XRCC1: variants seen among roughly 807,000 people sequenced by gnomAD.
The protein encoded by XRCC1 is X-ray repair cross complementing 1, also known as DNA repair protein XRCC1.
Under a neutral mutation model 83.3 loss-of-function variants are expected in XRCC1, and 52 were observed. That is an observed-to-expected ratio of 0.62 (90% CI 0.50 to 0.79). The LOEUF is 0.79. Ranked by LOEUF, XRCC1 falls within the 30% of genes least tolerant of loss-of-function variation. XRCC1 has a pLI of 0.00. For synonymous variants in XRCC1, 281 were observed against 312.6 expected, an observed-to-expected ratio of 0.90 and a Z score of 1.07; for missense variants, 793 against 823.5, an observed-to-expected ratio of 0.96 and a Z score of 0.45.
rs25494 is a variant in XRCC1, at chr19:43,554,930, G to C, written c.256-126C>G. 305 of 1,073,120 alleles carry C rather than the reference G, an allele frequency of 2.8e-4. 3 individuals are homozygous for C. In the East Asian group the frequency reaches 6.7e-3, roughly 24 times the overall value. The allele number at this position is 1,073,120 out of a possible 1,614,324, so 66.5% of individuals were successfully genotyped here. A position where few individuals can be genotyped will look rare whatever the true frequency, so the allele number is the denominator to read the frequency against. Reference sequence around the variant, plus strand: ...TGGGAGTCACTAGAATGTAGCTTGGGCCTAGATGTCTCCAGACCCTTTGTT... The same window carrying C: ...TGGGAGTCACTAGAATGTAGCTTGGCCCTAGATGTCTCCAGACCCTTTGTT... On this transcript the variant is annotated intron_variant, in intron 3 of 16. Transcript: ENST00000262887.
At chr19:43,568,524 AT>A (rs1568518600) in intron 2 of XRCC1, among the ~76,000 whole-genome samples, 1 of 151,482 alleles carries the variant, frequency 6.6e-6, no homozygotes, top group African/African-American at 2.4e-5. Flanking sequence ...AAGTAAGTAA[AT>A]AAATAAATAA....
intron 10 of XRCC1, among the ~76,000 whole-genome samples, chr19:43,547,194 TC>T (rs1420299695): frequency 2.6e-5 from 2 of 76,894 alleles, no homozygotes; most frequent in African/African-American, 1.3e-4. Context: ...TTCCCCTCCC[TC>T]TTTTTTTTTT....
chr19:43,571,894 CAAAT>C (rs1972809392), intron 2 of XRCC1, among the ~76,000 whole-genome samples: 1 of 152,180 alleles, frequency 6.6e-6, no homozygotes, highest in African/African-American at 2.4e-5. Flanking sequence ...AGTGAATGAA[CAAAT>C]AAATCCATCA....
At chr19:43,573,932 TCA>T (rs1047367402) in intron 2 of XRCC1, among the ~76,000 whole-genome samples, 1 of 152,164 alleles carries the variant, frequency 6.6e-6, no homozygotes, top group Non-Finnish European at 1.5e-5. Flanking sequence ...TCTTTGGGCC[TCA>T]GTTTCCTCAT....
rs201337051 is a variant in XRCC1 at position 43,551,581 on chromosome 19, G to T, written c.1189C>A (p.Pro397Thr). Residue 397 changes from proline (P) to threonine (T), a missense_variant, in exon 10 of 17, where the codon CCC (proline) becomes ACC (threonine). Coordinates refer to ENST00000262887, the MANE Select transcript of XRCC1 (RefSeq NM_006297.3). ...LDCHRMRRRL[P>T]SQRYLMAGPG... ...CGTGTGAGGCCTTACCTCTGGGAGGGCAGCCGCCGACGCATGCGGTGACAG... is the reference window on the plus strand; with the variant it reads ...CGTGTGAGGCCTTACCTCTGGGAGGTCAGCCGCCGACGCATGCGGTGACAG... 3.1e-6 allele frequency: 5 copies of T among 1,613,968 alleles called. No homozygotes were observed. The East Asian group carries it at 1.1e-4, about 36-fold the overall frequency.
rs1217657378 is a variant in XRCC1, at chr19:43,552,064, A to G, written c.1035T>C (p.Leu345=). Residue 345 remains leucine (L), a synonymous_variant, in exon 9 of 17, where the codon CTT becomes CTC. Coordinates refer to ENST00000262887, the MANE Select transcript of XRCC1 (RefSeq NM_006297.3). ...TCCAGTCTGGCCGATACTTGGCCCC[A>G]AGCTCTAGGGCCTTATCTCGCAGCT... ...RSELRDKALE[L]GAKYRPDWTR... is the part of the protein sequence containing the mutation. 1 of 1,614,052 alleles carries G rather than the reference A, an allele frequency of 6.2e-7. No homozygotes were observed. Among genetic ancestry groups the G allele is most frequent in the Non-Finnish European group, 8.5e-7 (1 of 1,179,972 alleles).
Position 43,543,360 on chromosome 19 carries a change from G to T in XRCC1, c.*32C>A, listed in dbSNP as rs757796663. 28 of 1,372,222 alleles carry T rather than the reference G, an allele frequency of 2.0e-5. No individual in the cohort carries two copies. The South Asian group carries it at 3.2e-4, about 16-fold the overall frequency. 85.0% of individuals were successfully genotyped at this position (1,372,222 alleles called of 1,614,324 possible). ...ATGCATCGTGTGTGTGTGTGTGTGT[G>T]TGTGTGTGTGTGTGTGTGTATAGCA... On this transcript the variant is annotated 3_prime_UTR_variant, in exon 17 of 17. Transcript: ENST00000262887.
chr19:43,572,637 CAA>C, intron 2 of XRCC1, among the ~76,000 whole-genome samples: 1 of 152,220 alleles, frequency 6.6e-6, no homozygotes, highest in African/African-American at 2.4e-5. Flanking sequence ...GTCAGGAGTT[CAA>C]GACCAGCCTA....
rs1372079741 is a variant in XRCC1, at chr19:43,575,478, C to A, written c.-20G>T. On this transcript the variant is annotated 5_prime_UTR_variant, in exon 1 of 17. Transcript: ENST00000262887. ...CGGCATGTCAACGTCGTGGGCTTCG[C>A]CTGGCCAGAAGGATGAGGTAGAGTA... The A allele has an allele frequency of 6.2e-7, 1 of 1,611,552 alleles. No individual in the cohort carries two copies. Among genetic ancestry groups the A allele is most frequent in the East Asian group, 2.2e-5 (1 of 44,820 alleles).
chr19:43,566,530 T>TAAA (rs1321231666), intron 2 of XRCC1, among the ~76,000 whole-genome samples: 1 of 94,868 alleles, frequency 1.1e-5, no homozygotes. Flanking sequence ...AGACTCTGTC[T>TAAA]CAAAAAAAAA....
At chr19:43,561,862 A>G (rs1010313027) in intron 2 of XRCC1, among the ~76,000 whole-genome samples, 2 of 151,834 alleles carry the variant, frequency 1.3e-5, no homozygotes, top group African/African-American at 2.4e-5. Context: ...CATTATTACA[A>G]CTCTCAAAGG....
At chr19:43,571,636 T>C (rs947876898) in intron 2 of XRCC1, among the ~76,000 whole-genome samples, 2 of 152,234 alleles carry the variant, frequency 1.3e-5, no homozygotes, top group African/African-American at 2.4e-5. Flanking sequence ...CTGGAGTAGC[T>C]GGGACCACAG....
intron 2 of XRCC1, among the ~76,000 whole-genome samples, chr19:43,564,164 C>T (rs934256199): frequency 6.6e-6 from 1 of 152,154 alleles, no homozygotes; most frequent in African/African-American, 2.4e-5. Flanking sequence ...TGCCTGGCAC[C>T]GAGCAAACAC....
chr19:43,549,891 C>T (rs553215100), intron 10 of XRCC1, among the ~76,000 whole-genome samples: 1 of 152,136 alleles, frequency 6.6e-6, no homozygotes, highest in Admixed American at 6.5e-5. Context: ...TTGTCTTTTT[C>T]CCTTTCTTTC....
chr19:43,564,012 C>T (rs966591850), intron 2 of XRCC1, among the ~76,000 whole-genome samples: 17 of 152,174 alleles, frequency 1.1e-4, no homozygotes, highest in African/African-American at 4.1e-4. Context: ...GATCCTGGAG[C>T]AAATGGTTTC....
intron 12 of XRCC1, 100 bp from the exon 13 acceptor site, chr19:43,546,206 C>T: frequency 1.5e-6 from 2 of 1,331,374 alleles, no homozygotes; most frequent in East Asian, 4.7e-5. Context: ...ATGCCCCCAG[C>T]CTCAACTGCC....
chr19:43,546,029 C>T, intron 13 of XRCC1, 23 bp downstream of exon 13: 1 of 1,613,876 alleles, frequency 6.2e-7, no homozygotes. Context: ...CAGGGACACC[C>T]CAACCCCCAG....
intron 2 of XRCC1, among the ~76,000 whole-genome samples, chr19:43,569,977 CAGAA>C (rs1303493588): frequency 6.6e-6 from 1 of 152,178 alleles, no homozygotes; most frequent in Non-Finnish European, 1.5e-5. Context: ...GGGGTACTGA[CAGAA>C]AGAACCTGAG....
intron 3 of XRCC1, among the ~76,000 whole-genome samples, chr19:43,555,875 A>C (rs1972631033): frequency 6.6e-6 from 1 of 152,064 alleles, no homozygotes; most frequent in Non-Finnish European, 1.5e-5. Flanking sequence ...ATAGCAAATA[A>C]CTTGATTTTA....
Sources: gnomAD v4.1 joint callset for allele counts (sites outside exome capture counted in the v4.1 genomes callset) on GRCh38, gnomAD v4.1.1 for gene constraint, MANE v1.5 for transcripts, NCBI Gene and HGNC (gene_info 2026-07-23, HGNC 2026-07-21) for gene names.